FAM171B: variants seen among roughly 807,000 people sequenced by gnomAD.
FAM171B encodes the protein family with sequence similarity 171 member B.
A neutral mutation model predicts 75.6 loss-of-function variants in FAM171B; 19 were observed. The ratio of observed to expected loss-of-function variants is 0.25; its 90% CI spans 0.18 to 0.37. The LOEUF (loss-of-function observed/expected upper bound fraction) is 0.37, where lower values mean the gene tolerates loss of function less well. Ranked by LOEUF, FAM171B falls within the 10% of genes least tolerant of loss-of-function variation. The pLI, the probability that FAM171B is intolerant of heterozygous loss-of-function variation, is 1.00. For synonymous variants in FAM171B, 367 were observed against 361.7 expected, an observed-to-expected ratio of 1.01 and a Z score of -0.17; for missense variants, 848 against 982.4, an observed-to-expected ratio of 0.86 and a Z score of 1.83.
At chr2:186,712,196 A>G (rs1356421107) in intron 1 of FAM171B, among the ~76,000 whole-genome samples, 1 of 152,138 alleles carries the variant, frequency 6.6e-6, no homozygotes, top group Non-Finnish European at 1.5e-5. Context: ...TTTAAACAAT[A>G]TTTACTTGAC....
intron 1 of FAM171B, among the ~76,000 whole-genome samples, chr2:186,736,550 G>A (rs1168011355): frequency 2.4e-5 from 3 of 123,996 alleles, no homozygotes; most frequent in African/African-American, 8.8e-5. Flanking sequence ...GTGTGTGTGT[G>A]TGTGTGTGTG....
rs141884179 is a variant in FAM171B, at chr2:186,694,185, C to T, written c.12C>T (p.Leu4=). 0.011 allele frequency: 17,317 copies of T among 1,599,650 alleles called. 108 individuals carry two copies. The highest frequency in any genetic ancestry group is 0.012 in the Non-Finnish European group (14,206 of 1,177,800). Residue 4 remains leucine, a synonymous_variant, in exon 1 of 8, where the codon CTC becomes CTT. Transcript: ENST00000304698. MAR[L]CRRVPCTLLL... is the part of the protein sequence containing the mutation. ...TCTGGCTCTAGGCCATGGCGAGGCT[C>T]TGCCGGCGTGTCCCCTGCACCCTGC...
At chr2:186,756,071 T>C (rs930950040) in intron 6 of FAM171B, among the ~76,000 whole-genome samples, 12 of 152,348 alleles carry the variant, frequency 7.9e-5, no homozygotes, top group African/African-American at 2.6e-4. Context: ...GTACTTACAC[T>C]AAAAATATAT....
rs1553512628 is a variant in FAM171B, at chr2:186,754,004, C to A, written c.967C>A (p.Pro323Thr). Reference protein sequence around the residue: ...NNHLIWTYDAPHLGYWIAAPL... With the variant: ...NNHLIWTYDATHLGYWIAAPL... ...TCATTTAATCTGGACATATGATGCA[C>A]CACATTTGGGGTACTGGATAGCAGC... The change falls in exon 6 of 8, where the codon CCA (proline) becomes ACA (threonine). Residue 323 changes from proline (P) to threonine (T), a missense_variant. This residue lies in a region of FAM171B where 665 missense variants were observed against 729.0 expected (regional missense o/e 0.91). Transcript: ENST00000304698. 6.2e-7 allele frequency: 1 copy of A among 1,612,446 alleles called. No individual in the cohort carries two copies. Among genetic ancestry groups the A allele is most frequent in the Non-Finnish European group, 8.5e-7 (1 of 1,179,354 alleles).
intron 1 of FAM171B, among the ~76,000 whole-genome samples, chr2:186,727,515 CTT>C (rs1574103794): frequency 1.3e-5 from 2 of 152,174 alleles, no homozygotes; most frequent in African/African-American, 4.8e-5. Flanking sequence ...TTGTAGCAAA[CTT>C]TGCCATTGTA....
At position 186,702,481 on chromosome 2, in the gene FAM171B, C is replaced by T. The variant is rs114886119; in HGVS notation, c.238+8070C>T. On this transcript the variant is annotated intron_variant, in intron 1 of 7. Transcript: ENST00000304698. ...TGTTTGGAGATGCCTCTTTAATTGG[C>T]GTTTTGCATCAGCACAATTCACATG... Among the ~76,000 whole-genome samples, 814 of 152,238 alleles carry T rather than the reference C, an allele frequency of 5.3e-3. 8 individuals carry two copies. The highest frequency in any genetic ancestry group is 0.019 in the African/African-American group (771 of 41,530).
At position 186,743,695 on chromosome 2, in the gene FAM171B, A is replaced by G. The variant is rs2105787094; in HGVS notation, c.565+120A>G. On this transcript the variant is annotated intron_variant, in intron 3 of 7. Coordinates refer to ENST00000304698, the MANE Select transcript of FAM171B (RefSeq NM_177454.4). ...AAAATCTAAATTGATCAGTATGATT[A>G]GCACTGACTATAAGTTGATCTGAAC... is the stretch of plus-strand genomic sequence containing the variant. The G allele has an allele frequency of 4.4e-6, 3 of 675,896 alleles. No individual in the cohort carries two copies. In the South Asian group the frequency reaches 5.8e-5, roughly 13 times the overall value. The allele number at this position is 675,896 out of a possible 1,614,324, so 41.9% of individuals were successfully genotyped here.
In FAM171B at chr2:186,740,413, G is replaced by A; in HGVS notation, c.424G>A (p.Asp142Asn). ...GLSLTIIAYK[D>N]GYVLTPLPWK... The stretch of plus-strand genomic sequence containing the variant: ...TAGTTTAACTATTATTGCTTACAAA[G>A]ATGGCTACGTGTTGACCCCTCTGCC... The change falls in exon 2 of 8, where the codon GAT (aspartate) becomes AAT (asparagine). Residue 142 changes from aspartate (D) to asparagine (N), a missense_variant. Asp to Asn is a conservative substitution (Grantham distance 23). Coordinates refer to ENST00000304698, the MANE Select transcript of FAM171B (RefSeq NM_177454.4). The A allele has an allele frequency of 6.2e-7, 1 of 1,614,000 alleles. No individual in the cohort carries two copies. Among genetic ancestry groups the A allele is most frequent in the Non-Finnish European group, 8.5e-7 (1 of 1,179,908 alleles).
Position 186,703,076 on chromosome 2 carries a change from T to TATATAC in FAM171B, c.238+8666_238+8667insTATACA, listed in dbSNP as rs145728723. Among the ~76,000 whole-genome samples, 4 of 145,484 alleles carry TATATAC rather than the reference T, an allele frequency of 2.7e-5. No individual in the cohort carries two copies. The South Asian group carries it at 8.8e-4, about 32-fold the overall frequency. On this transcript the variant is annotated intron_variant, in intron 1 of 7. Transcript: ENST00000304698. ...ATATGTGTGTGTGTATATATATATA[T>TATATAC]ACACACACACACACACACACACACA...
At chr2:186,722,296 T>C (rs1689967264) in intron 1 of FAM171B, among the ~76,000 whole-genome samples, 1 of 152,230 alleles carries the variant, frequency 6.6e-6, no homozygotes, top group South Asian at 2.1e-4. Flanking sequence ...AGAGTTTATT[T>C]ACTAAGTTTT....
chr2:186,699,756 G>A (rs934333785), intron 1 of FAM171B, among the ~76,000 whole-genome samples: 3 of 152,070 alleles, frequency 2.0e-5, no homozygotes, highest in Non-Finnish European at 4.4e-5. Context: ...ATAGTTTGAG[G>A]TCTTAGATTT....
At chr2:186,706,152 C>T (rs1015639006) in intron 1 of FAM171B, among the ~76,000 whole-genome samples, 5 of 152,144 alleles carry the variant, frequency 3.3e-5, no homozygotes, top group African/African-American at 1.2e-4. Flanking sequence ...TGAGGGCTTA[C>T]TCTGGTTGTT....
Position 186,694,525 on chromosome 2 carries a change from C to T in FAM171B, c.238+114C>T. 2.2e-6 allele frequency: 3 copies of T among 1,371,258 alleles called. 1 individual carries two copies. The South Asian group carries it at 4.5e-5, about 21-fold the overall frequency. 84.9% of individuals were successfully genotyped at this position (1,371,258 alleles called of 1,614,324 possible). On this transcript the variant is annotated intron_variant, in intron 1 of 7. Transcript: ENST00000304698. ...TCCTATCCTCGTTCGTTCCTGTCAC[C>T]ATCCCTCCCGATCTCTCTCCCCAGA...
chr2:186,694,356 G>C lies in FAM171B; in HGVS notation c.183G>C (p.Glu61Asp). The C allele has an allele frequency of 1.2e-6, 2 of 1,613,158 alleles. No individual in the cohort carries two copies. Among genetic ancestry groups the C allele is most frequent in the Non-Finnish European group, 1.7e-6 (2 of 1,179,624 alleles). Residue 61 changes from glutamate to aspartate, a missense_variant, in exon 1 of 8, where the codon GAG becomes GAC. By Grantham distance (45) the Glu-to-Asp change is conservative (BLOSUM62 2). Coordinates refer to ENST00000304698, the MANE Select transcript of FAM171B (RefSeq NM_177454.4). ...AACAACAGCAAAAGCAGCTGGAGGA[G>C]GCTGAGGAGGAGAGGACAGAGGTGC... Reference protein sequence around the residue: ...QQQQQQKQLEEAEEERTEVPG... With the variant: ...QQQQQQKQLEDAEEERTEVPG...
intron 3 of FAM171B, 63 bp from the exon 4 acceptor site, chr2:186,747,029 G>A (rs2105788289): frequency 2.4e-6 from 3 of 1,245,196 alleles, no homozygotes; most frequent in South Asian, 3.3e-5. Context: ...AAGACATCCT[G>A]ACCAATGCTG....
intron 4 of FAM171B, among the ~76,000 whole-genome samples, chr2:186,748,910 G>C (rs186016510): frequency 6.6e-6 from 1 of 152,084 alleles, no homozygotes; most frequent in African/African-American, 2.4e-5. Flanking sequence ...AGCTCATGGC[G>C]CTGGAGGATG....
intron 1 of FAM171B, among the ~76,000 whole-genome samples, chr2:186,727,001 T>G (rs1162474876): frequency 6.6e-6 from 1 of 152,156 alleles, no homozygotes; most frequent in African/African-American, 2.4e-5. Context: ...ACTTCTGATC[T>G]CTTTCTCCTT....
In FAM171B at chr2:186,761,525, C is replaced by G. The variant is rs1401045672; in HGVS notation, c.1183C>G (p.Leu395Val). Residue 395 changes from leucine to valine, a missense_variant, in exon 8 of 8, where the codon CTT becomes GTT. By Grantham distance (32) the Leu-to-Val change is conservative. This residue lies in a region of FAM171B where 665 missense variants were observed against 729.0 expected (regional missense o/e 0.91). Transcript: ENST00000304698. ...PQKRERNITK[L>V]EVLKRDQTTS... Reference sequence around the variant, plus strand: ...GAAAAGAGAAAGAAATATCACTAAACTTGAGGTCCTCAAGAGAGACCAGAC... The same window carrying G: ...GAAAAGAGAAAGAAATATCACTAAAGTTGAGGTCCTCAAGAGAGACCAGAC... 6.3e-7 allele frequency: 1 copy of G among 1,593,884 alleles called. No homozygotes were observed. The highest frequency in any genetic ancestry group is 8.5e-7 in the Non-Finnish European group (1 of 1,174,390).
intron 6 of FAM171B, among the ~76,000 whole-genome samples, chr2:186,757,909 G>C (rs914048343): frequency 3.9e-5 from 6 of 152,132 alleles, no homozygotes; most frequent in African/African-American, 1.4e-4. Context: ...TTTATGCCTA[G>C]TTATAATCAA....
Sources: gnomAD v4.1 joint callset for allele counts (sites outside exome capture counted in the v4.1 genomes callset) on GRCh38, gnomAD v4.1.1 for gene constraint, gnomAD v4.1.1 regional missense constraint, MANE v1.5 for transcripts, NCBI Gene and HGNC (gene_info 2026-07-23, HGNC 2026-07-21) for gene names.